CFAP74: variants seen among roughly 807,000 people sequenced by gnomAD.
The protein encoded by CFAP74 is cilia and flagella associated protein 74, also known as cilia- and flagella-associated protein 74.
Under a neutral mutation model 188.9 loss-of-function variants are expected in CFAP74, and 124 were observed. The observed-to-expected ratio is 0.66, with a 90% CI of 0.57 to 0.76. The LOEUF is 0.76. Ranked by LOEUF, CFAP74 falls within the 30% of genes least tolerant of loss-of-function variation. CFAP74 has a pLI of 0.00. For missense variants in CFAP74, 2,198 were observed against 2,165.2 expected (o/e 1.02, Z -0.30); for synonymous variants, 956 against 916.7 (o/e 1.04, Z -0.77).
rs994445387 is a variant in CFAP74, at chr1:1,975,706, G to A, written c.501-1508C>T. Among the ~76,000 whole-genome samples the A allele has an allele frequency of 6.6e-6, 1 of 152,112 alleles. No homozygotes were observed. Among genetic ancestry groups the A allele is most frequent in the African/African-American group, 2.4e-5 (1 of 41,412 alleles). On this transcript the variant is annotated intron_variant, in intron 6 of 38. Coordinates refer to ENST00000682832, the MANE Select transcript of CFAP74 (RefSeq NM_001304360.2). The surrounding 1 kb of genome is among the most constrained non-coding windows in gnomAD (Gnocchi z 4.5). ...GGGACTCCGCGGAGCTTCCACGGGC[G>A]GGTTATTTCTATTCCTCCCTCGCGT...
In CFAP74 at chr1:1,979,514, C is replaced by T. The variant is rs113078065; in HGVS notation, c.501-5316G>A. 2.2e-3 allele frequency among the ~76,000 whole-genome samples: 297 copies of T among 132,216 alleles called. 9 individuals carry two copies. Among genetic ancestry groups the T allele is most frequent in the African/African-American group, 8.0e-3 (280 of 35,092 alleles). 86.7% of individuals were successfully genotyped at this position (132,216 alleles called of 152,430 possible). A position where few individuals can be genotyped will look rare whatever the true frequency, so the allele number is the denominator to read the frequency against. On this transcript the variant is annotated intron_variant, in intron 6 of 38. Coordinates refer to ENST00000682832, the MANE Select transcript of CFAP74 (RefSeq NM_001304360.2). ...CTGGGCGTGGGAAGGCGTCACGTGACGAAGCTGCGCAGAACACGCGTGTGG... is the reference window on the plus strand; with the variant it reads ...CTGGGCGTGGGAAGGCGTCACGTGATGAAGCTGCGCAGAACACGCGTGTGG...
intron 6 of CFAP74, 64 bp from the exon 7 acceptor site, chr1:1,974,262 G>A (rs1052850489): frequency 4.7e-6 from 7 of 1,486,576 alleles, no homozygotes; most frequent in Middle Eastern, 1.8e-4. Flanking sequence ...GGGGGTTTCG[G>A]CATTGAGTTC....
chr1:1,925,123 T>TGCGAAGGCATGAGGGCACGCAGGGCAGG (rs1446755206), intron 33 of CFAP74, among the ~76,000 whole-genome samples: 1 of 135,184 alleles, frequency 7.4e-6, no homozygotes, highest in Non-Finnish European at 1.6e-5. Flanking sequence ...CACACGCTGG[T>TGCGAAGGCATGAGGGCACGCAGGGCAGG]GCGAAGGCAT....
chr1:1,968,923 C>G lies in CFAP74; in HGVS notation c.1047-90G>C, dbSNP rs946307700. ...ACAGTGCCCGGCGGCCCCTCCCTAG[C>G]GCCCTCCTGGGGGCTCCGGTCCTGC... On this transcript the variant is annotated intron_variant, in intron 10 of 38. Coordinates refer to ENST00000682832, the MANE Select transcript of CFAP74 (RefSeq NM_001304360.2). This position sits in a 1 kb window ranked among gnomAD's most constrained non-coding sequence, Gnocchi z 4.3. 4 of 1,232,840 alleles carry G rather than the reference C, an allele frequency of 3.2e-6. No individual in the cohort carries two copies. Among genetic ancestry groups the G allele is most frequent in the Admixed American group, 2.0e-5 (1 of 50,810 alleles). The allele number at this position is 1,232,840 out of a possible 1,614,324, so 76.4% of individuals were successfully genotyped here. A position where few individuals can be genotyped will look rare whatever the true frequency, so the allele number is the denominator to read the frequency against.
intron 9 of CFAP74, 49 bp from the exon 10 acceptor site, chr1:1,970,865 A>G (rs1161373307): frequency 6.2e-7 from 1 of 1,605,772 alleles, no homozygotes; most frequent in Admixed American, 1.7e-5. Flanking sequence ...CCACGGGCAC[A>G]TGCACACGCT....
At chr1:1,959,029 C>T (rs1654869701) in intron 16 of CFAP74, 91 bp downstream of exon 16, 2 of 874,666 alleles carry the variant, frequency 2.3e-6, no homozygotes, top group Non-Finnish European at 3.7e-6. Flanking sequence ...CCCCCGCCAA[C>T]CTGCACCCCC....
chr1:1,940,928 C>T (rs1653323951), intron 22 of CFAP74, among the ~76,000 whole-genome samples: 4 of 152,056 alleles, frequency 2.6e-5, no homozygotes, highest in South Asian at 2.1e-4. Context: ...CTGCCTAACA[C>T]GGTGAAACCC....
chr1:1,988,995 T>TTA, intron 2 of CFAP74, 22 bp from the exon 3 acceptor site: 1 of 915,906 alleles, frequency 1.1e-6, no homozygotes, highest in Non-Finnish European at 1.7e-6. Flanking sequence ...GGCAAGAGTT[T>TTA]AAAAAAAAAA....
At position 1,926,912 on chromosome 1, in the gene CFAP74, G is replaced by A. The variant is rs372003035; in HGVS notation, c.3644C>T (p.Ser1215Leu). ...CCCGCACCTGAAGCTCAGGGGTTCT[G>A]ACCCCTTCCTGTCTTTGATGTCGCC... ...ASGDIKDRKGSEPLSFSPHNT... is the reference protein window; with the variant it reads ...ASGDIKDRKGLEPLSFSPHNT... The change falls in exon 29 of 39, where the codon TCA becomes TTA. Residue 1215 changes from serine to leucine, a missense_variant. Transcript: ENST00000682832. The A allele has an allele frequency of 3.9e-6, 6 of 1,550,122 alleles. No individual in the cohort carries two copies. Among genetic ancestry groups the A allele is most frequent in the African/African-American group, 2.7e-5 (2 of 73,058 alleles).
chr1:1,964,607 T>A lies in CFAP74; in HGVS notation c.1575+281A>T, dbSNP rs551361646. 3.9e-5 allele frequency among the ~76,000 whole-genome samples: 6 copies of A among 152,304 alleles called. No homozygotes were observed. In the East Asian group the frequency reaches 1.2e-3, roughly 29 times the overall value. On this transcript the variant is annotated intron_variant, in intron 13 of 38. Coordinates refer to ENST00000682832, the MANE Select transcript of CFAP74 (RefSeq NM_001304360.2). Reference sequence around the variant, plus strand: ...GAGTTCGAGACCAGCCTGGCCTACATGGTGAAACCCCGTCTCTACTAAAAA... The same window carrying A: ...GAGTTCGAGACCAGCCTGGCCTACAAGGTGAAACCCCGTCTCTACTAAAAA...
chr1:1,966,876 AC>A, intron 11 of CFAP74, among the ~76,000 whole-genome samples: 1 of 137,766 alleles, frequency 7.3e-6, no homozygotes. Flanking sequence ...TTGCACTGTC[AC>A]CTGGGCTAGA....
At chr1:1,960,986 A>C (rs1242136526) in intron 14 of CFAP74, among the ~76,000 whole-genome samples, 2 of 152,130 alleles carry the variant, frequency 1.3e-5, no homozygotes, top group African/African-American at 2.4e-5. Flanking sequence ...AGACACTGTC[A>C]AGAAATGCAG....
At position 1,927,709 on chromosome 1, in the gene CFAP74, T is replaced by C. The variant is rs1253701432; in HGVS notation, c.3425A>G (p.His1142Arg). The C allele has an allele frequency of 1.3e-6, 2 of 1,550,154 alleles. No individual in the cohort carries two copies. Among genetic ancestry groups the C allele is most frequent in the Admixed American group, 3.9e-5 (2 of 51,000 alleles). The change falls in exon 28 of 39, where the codon CAT (histidine) becomes CGT (arginine). Residue 1142 changes from histidine to arginine, a missense_variant. Physicochemically the swap from His to Arg is conservative, Grantham distance 29. Coordinates refer to ENST00000682832, the MANE Select transcript of CFAP74 (RefSeq NM_001304360.2). ...TCGAAGAACGGAGAATGACAGTCCATGCAGGTCCTTCCTCTGGGGGGCCAT... is the reference window on the plus strand; with the variant it reads ...TCGAAGAACGGAGAATGACAGTCCACGCAGGTCCTTCCTCTGGGGGGCCAT... ...KNMAPQRKDLHGLSFSVLRAQ... is the reference protein window; with the variant it reads ...KNMAPQRKDLRGLSFSVLRAQ...
chr1:1,973,872 G>T lies in CFAP74; in HGVS notation c.674+153C>A, dbSNP rs1656258283. ...CTTGGGAAGGACTCAAGGGCCCGGT[G>T]GAGGAGCAAGCTGGGAGGAGGCAGG... On this transcript the variant is annotated intron_variant, in intron 7 of 38. Transcript: ENST00000682832. The surrounding 1 kb of genome is among the most constrained non-coding windows in gnomAD (Gnocchi z 6.2). 6.6e-6 allele frequency among the ~76,000 whole-genome samples: 1 copy of T among 151,762 alleles called. No homozygotes were observed. The highest frequency in any genetic ancestry group is 2.4e-5 in the African/African-American group (1 of 41,306).
chr1:1,924,965 CGTGCGAAGGCATGAGGGCACACGCTG>C (rs1195684197), intron 33 of CFAP74, among the ~76,000 whole-genome samples: 86 of 151,992 alleles, frequency 5.7e-4, no homozygotes, highest in East Asian at 2.5e-3. Flanking sequence ...GACCCACACT[CGTGCGAAGGCATGAGGGCACACGCTG>C]GTGCGAAGGC....
rs767205643 is a variant in CFAP74, at chr1:1,922,369, A to G, written c.4838T>C (p.Val1613Ala). 1.5e-5 allele frequency: 24 copies of G among 1,602,696 alleles called. No homozygotes were observed. The South Asian group carries it at 2.5e-4, about 16-fold the overall frequency. Residue 1613 changes from valine to alanine, a missense_variant, in exon 39 of 39, where the codon GTG becomes GCG. Physicochemically the swap from Val to Ala is moderately conservative, Grantham distance 64. Coordinates refer to ENST00000682832, the MANE Select transcript of CFAP74 (RefSeq NM_001304360.2). Reference protein sequence around the residue: ...ADFDPDHPLMVSALLQLRGDV... With the variant: ...ADFDPDHPLMASALLQLRGDV... ...CCCCCTTAGCTGCAGCAGGGCCGAC[A>G]CCATGAGTGGGTGGTCTGGCTGGAA...
At chr1:2,001,415 C>T (rs192119374) in intron 1 of CFAP74, among the ~76,000 whole-genome samples, 94 of 152,090 alleles carry the variant, frequency 6.2e-4, no homozygotes, top group African/African-American at 2.1e-3. Context: ...CTGCAAACTC[C>T]GCCTCCTGGG....
intron 25 of CFAP74, among the ~76,000 whole-genome samples, chr1:1,932,759 A>AT (rs1570837534): frequency 6.6e-6 from 1 of 150,956 alleles, no homozygotes. Context: ...CACCTGGCTA[A>AT]TTTTTTGTAT....
At position 1,959,129 on chromosome 1, in the gene CFAP74, C is replaced by T; in HGVS notation, c.1842G>A (p.Lys614=). The T allele has an allele frequency of 6.2e-7, 1 of 1,611,456 alleles. No individual in the cohort carries two copies. Among genetic ancestry groups the T allele is most frequent in the Non-Finnish European group, 8.5e-7 (1 of 1,177,848 alleles). ...ACACCTTTGAACTCACCGAACATTT[C>T]TTTGTTGAACATTTCAGTGGAACTG... ...EFSVPLKCST[K]KCSLSLDKEL... The change falls in exon 16 of 39, where the codon AAG becomes AAA. Residue 614 remains lysine, a synonymous_variant. Transcript: ENST00000682832.
Sources: gnomAD v4.1 joint callset for allele counts (sites outside exome capture counted in the v4.1 genomes callset) on GRCh38, gnomAD v4.1.1 for gene constraint, Gnocchi (gnomAD v3.1) non-coding constraint, MANE v1.5 for transcripts, NCBI Gene and HGNC (gene_info 2026-07-23, HGNC 2026-07-21) for gene names.